Variants in ANKRD33B observed in about 807,000 individuals in gnomAD.
The protein encoded by ANKRD33B is ankyrin repeat domain 33B.
Under a neutral mutation model 21.5 loss-of-function variants are expected in ANKRD33B, and 6 were observed. That is an observed-to-expected ratio of 0.28 (90% CI 0.15 to 0.55). ANKRD33B has a LOEUF of 0.55. Ranked by LOEUF, ANKRD33B falls within the 20% of genes least tolerant of loss-of-function variation. The pLI is 0.94. For missense variants in ANKRD33B, 698 were observed against 747.2 expected (o/e 0.93, Z 0.77); for synonymous variants, 347 against 342.4 (o/e 1.01, Z -0.15).
rs1560985586 is a variant in ANKRD33B, at chr5:10,640,040, TGGAG to T, written c.637+1873_637+1876del. Among the ~76,000 whole-genome samples, 260 of 82,156 alleles carry T rather than the reference TGGAG, an allele frequency of 3.2e-3. 1 individual carries two copies. Among genetic ancestry groups the T allele is most frequent in the Middle Eastern group, 0.021 (2 of 96 alleles). 53.9% of individuals were successfully genotyped at this position (82,156 alleles called of 152,430 possible). A position where few individuals can be genotyped will look rare whatever the true frequency, so the allele number is the denominator to read the frequency against. Reference sequence around the variant, plus strand: ...TGCGCGGCGATGTTAGCGGGTGACGTGGAGTTGCACGGTGATGTTAGGCGGTGAC... The same window carrying T: ...TGCGCGGCGATGTTAGCGGGTGACGTTTGCACGGTGATGTTAGGCGGTGAC... On this transcript the variant is annotated intron_variant, in intron 3 of 3. Transcript: ENST00000296657.
At chr5:10,646,468 C>T (rs149214387) in intron 3 of ANKRD33B, among the ~76,000 whole-genome samples, 1 of 152,126 alleles carries the variant, frequency 6.6e-6, no homozygotes, top group Non-Finnish European at 1.5e-5. Flanking sequence ...GCTCAGTGGC[C>T]TTTGTTCCTT....
intron 1 of ANKRD33B, among the ~76,000 whole-genome samples, chr5:10,612,074 A>AT (rs994909770): frequency 6.6e-6 from 1 of 152,102 alleles, no homozygotes; most frequent in African/African-American, 2.4e-5. Flanking sequence ...AGTACTCACC[A>AT]TTTTTCTATG....
rs1479709533 is a variant in ANKRD33B at position 10,651,987 on chromosome 5, T to C, written c.*1874T>C. The C allele has an allele frequency of 1.3e-5, 2 of 152,390 alleles. No homozygotes were observed. The highest frequency in any genetic ancestry group is 4.8e-5 in the African/African-American group (2 of 41,466). The allele number at this position is 152,390 out of a possible 1,614,324, so 9.4% of individuals were successfully genotyped here. On this transcript the variant is annotated 3_prime_UTR_variant, in exon 4 of 4. Transcript: ENST00000296657. The stretch of plus-strand genomic sequence containing the variant: ...CCTCTTTGAGAACTGCAGATATTAG[T>C]TGACTGTGGGTCACCCTCGTGGCCA...
At chr5:10,603,205 C>G (rs1236301191) in intron 1 of ANKRD33B, among the ~76,000 whole-genome samples, 2 of 152,080 alleles carry the variant, frequency 1.3e-5, no homozygotes, top group African/African-American at 4.8e-5. Context: ...GCCCGTGAAT[C>G]CACTTGTGTA....
At chr5:10,633,066 G>A (rs1736765785) in intron 2 of ANKRD33B, among the ~76,000 whole-genome samples, 1 of 149,952 alleles carries the variant, frequency 6.7e-6, no homozygotes, top group Non-Finnish European at 1.5e-5. Context: ...AGGATTACAG[G>A]CGTGAGCCAC....
chr5:10,618,484 T>G, intron 2 of ANKRD33B, 22 bp downstream of exon 2: 2 of 1,511,462 alleles, frequency 1.3e-6, no homozygotes, highest in Non-Finnish European at 8.8e-7. Flanking sequence ...CTTTCCCCTT[T>G]CCTCTCAGAG....
chr5:10,580,468 G>C (rs940847896), intron 1 of ANKRD33B, among the ~76,000 whole-genome samples: 1 of 152,134 alleles, frequency 6.6e-6, no homozygotes, highest in Non-Finnish European at 1.5e-5. Context: ...TTGCCTGCTC[G>C]AGTTTGAGCA....
rs560664134 is a variant in ANKRD33B, at chr5:10,585,985, G to A, written c.366+21152G>A. Among the ~76,000 whole-genome samples the A allele has an allele frequency of 1.4e-4, 22 of 152,300 alleles. No homozygotes were observed. In the South Asian group the frequency reaches 4.6e-3, roughly 32 times the overall value. ...GGAGGCCAAGACAAGTACAAGCCAC[G>A]GGGCTCTATCATCAAGGACCCAACA... On this transcript the variant is annotated intron_variant, in intron 1 of 3. Coordinates refer to ENST00000296657, the MANE Select transcript of ANKRD33B (RefSeq NM_001164440.2).
rs750557599 is a variant in ANKRD33B, at chr5:10,649,731, G to A, written c.1103G>A (p.Arg368His). Residue 368 changes from arginine (R) to histidine (H), a missense_variant, in exon 4 of 4, where the codon CGC becomes CAC. Transcript: ENST00000296657. ...EEDEVGGAGQ[R>H]GRTGQEDADS... The stretch of plus-strand genomic sequence containing the variant: ...GATGAGGTGGGGGGCGCGGGGCAGC[G>A]CGGGCGGACCGGACAGGAGGACGCG... 1.3e-5 allele frequency: 19 copies of A among 1,487,216 alleles called. No homozygotes were observed. In the South Asian group the frequency reaches 1.7e-4, roughly 13 times the overall value. The allele number at this position is 1,487,216 out of a possible 1,614,324, so 92.1% of individuals were successfully genotyped here. A position where few individuals can be genotyped will look rare whatever the true frequency, so the allele number is the denominator to read the frequency against.
intron 1 of ANKRD33B, among the ~76,000 whole-genome samples, chr5:10,587,216 T>C (rs561701899): frequency 1.2e-4 from 19 of 152,200 alleles, no homozygotes; most frequent in African/African-American, 3.9e-4. Flanking sequence ...GGTTTCACCA[T>C]GTTGGCCAGG....
chr5:10,614,953 A>G (rs978999990), intron 1 of ANKRD33B, among the ~76,000 whole-genome samples: 1 of 152,128 alleles, frequency 6.6e-6, no homozygotes, highest in African/African-American at 2.4e-5. Context: ...GGTGGCTGTC[A>G]GCAGGTGCCT....
In ANKRD33B at chr5:10,649,869, G is replaced by A. The variant is rs1283765258; in HGVS notation, c.1241G>A (p.Arg414Gln). The change falls in exon 4 of 4, where the codon CGG (arginine) becomes CAG (glutamine). Residue 414 changes from arginine to glutamine, a missense_variant. Around this residue, in one of 3 missense-constraint regions of ANKRD33B, gnomAD observed 543 missense variants for 566.5 expected, o/e 0.96. Coordinates refer to ENST00000296657, the MANE Select transcript of ANKRD33B (RefSeq NM_001164440.2). ...CTCCTGCCCCTGCAGCGCCTGCGGC[G>A]GAGAAGCGTGCGGCCCGGTGTGGTG... ...ASLLPLQRLR[R>Q]RSVRPGVVVP... 4.8e-6 allele frequency: 7 copies of A among 1,449,702 alleles called. No individual in the cohort carries two copies. The East Asian group carries it at 1.5e-4, about 30-fold the overall frequency. 89.8% of individuals were successfully genotyped at this position (1,449,702 alleles called of 1,614,324 possible).
chr5:10,622,263 G>GCAC lies in ANKRD33B; in HGVS notation c.496+3804_496+3806dup, dbSNP rs535969792. ...GACAGCACCCAGAACCCCACATCCA[G>GCAC]CACCAGCACTTCCCTGGAGGGAAAA... On this transcript the variant is annotated intron_variant, in intron 2 of 3. Coordinates refer to ENST00000296657, the MANE Select transcript of ANKRD33B (RefSeq NM_001164440.2). Among the ~76,000 whole-genome samples, 413 of 152,266 alleles carry GCAC rather than the reference G, an allele frequency of 2.7e-3. 1 individual carries two copies. Among genetic ancestry groups the GCAC allele is most frequent in the Non-Finnish European group, 4.1e-3 (280 of 68,004 alleles).
intron 2 of ANKRD33B, chr5:10,625,009 G>A (rs937364934): frequency 5.9e-6 from 2 of 341,780 alleles, no homozygotes; most frequent in Non-Finnish European, 1.2e-5. Context: ...TGACGGCAAA[G>A]GACCCCTCTC....
At chr5:10,609,166 A>G (rs1432937500) in intron 1 of ANKRD33B, among the ~76,000 whole-genome samples, 1 of 152,242 alleles carries the variant, frequency 6.6e-6, no homozygotes. Context: ...TATTGATTAC[A>G]TTTTGAAATG....
At chr5:10,625,733 CCG>C (rs1736532185) in intron 2 of ANKRD33B, among the ~76,000 whole-genome samples, 1 of 152,208 alleles carries the variant, frequency 6.6e-6, no homozygotes, top group African/African-American at 2.4e-5. Flanking sequence ...AATGCATGAA[CCG>C]TGGTATACTT....
At position 10,649,446 on chromosome 5, in the gene ANKRD33B, C is replaced by T. The variant is rs1403505126; in HGVS notation, c.818C>T (p.Pro273Leu). 4 of 1,535,098 alleles carry T rather than the reference C, an allele frequency of 2.6e-6. No individual in the cohort carries two copies. The highest frequency in any genetic ancestry group is 3.5e-6 in the Non-Finnish European group (4 of 1,146,344). ...CCGCCCCCTGAAGCGGCGCGGAAGC[C>T]CGCGGGCTCCAAGAACTGCCTGCAG... Reference protein sequence around the residue: ...LPPPPEAARKPAGSKNCLQRL... With the variant: ...LPPPPEAARKLAGSKNCLQRL... The change falls in exon 4 of 4, where the codon CCC becomes CTC. Residue 273 changes from proline to leucine, a missense_variant. By Grantham distance (98) the Pro-to-Leu change is moderately conservative. Transcript: ENST00000296657.
At chr5:10,631,155 G>C (rs1274714382) in intron 2 of ANKRD33B, among the ~76,000 whole-genome samples, 1 of 152,208 alleles carries the variant, frequency 6.6e-6, no homozygotes, top group Admixed American at 6.5e-5. Flanking sequence ...GGGGAAGAGG[G>C]ATTCCAGTTT....
At chr5:10,608,929 G>A (rs1397384248) in intron 1 of ANKRD33B, among the ~76,000 whole-genome samples, 2 of 152,164 alleles carry the variant, frequency 1.3e-5, no homozygotes, top group African/African-American at 2.4e-5. Context: ...GAGAGGGAGC[G>A]CCTCTTTAAA....
Sources: gnomAD v4.1 joint callset for allele counts (sites outside exome capture counted in the v4.1 genomes callset) on GRCh38, gnomAD v4.1.1 for gene constraint, gnomAD v4.1.1 regional missense constraint, MANE v1.5 for transcripts, NCBI Gene and HGNC (gene_info 2026-07-23, HGNC 2026-07-21) for gene names.